Variants in ZFAT observed in about 807,000 individuals in gnomAD.
ZFAT encodes the protein zinc finger protein ZFAT.
A neutral mutation model predicts 117.7 loss-of-function variants in ZFAT; 64 were observed. That is an observed-to-expected ratio of 0.54 (90% CI 0.44 to 0.67). ZFAT has a LOEUF of 0.67. Ranked by LOEUF, ZFAT falls within the 30% of genes least tolerant of loss-of-function variation. The pLI is 0.00. For missense variants in ZFAT, 1,433 were observed against 1,584.5 expected, an observed-to-expected ratio of 0.90 and a Z score of 1.62; for synonymous variants, 679 against 615.0, an observed-to-expected ratio of 1.10 and a Z score of -1.54.
At chr8:134,625,051 C>T (rs1829401869) in intron 3 of ZFAT, among the ~76,000 whole-genome samples, 1 of 152,214 alleles carries the variant, frequency 6.6e-6, no homozygotes, top group African/African-American at 2.4e-5. Flanking sequence ...CAATTCACTC[C>T]ACACTGCTAA....
chr8:134,660,304 T>G (rs747750977), intron 1 of ZFAT, among the ~76,000 whole-genome samples: 1 of 152,236 alleles, frequency 6.6e-6, no homozygotes, highest in East Asian at 1.9e-4. Flanking sequence ...CTACAGCCCA[T>G]GAGCTGAGTT....
At chr8:134,612,153 T>A (rs1828381410) in intron 3 of ZFAT, among the ~76,000 whole-genome samples, 1 of 152,254 alleles carries the variant, frequency 6.6e-6, no homozygotes, top group South Asian at 2.1e-4. Context: ...AAAATTCACT[T>A]CCTCAGAACA....
At chr8:134,608,605 T>C (rs1372290832) in intron 5 of ZFAT, 124 bp downstream of exon 5, 10 of 1,193,972 alleles carry the variant, frequency 8.4e-6, no homozygotes, top group Non-Finnish European at 1.2e-5. Context: ...AAGGAGTCAG[T>C]ATCTCTTATA....
At chr8:134,696,564 A>T (rs1833853616) in intron 1 of ZFAT, 2 of 985,984 alleles carry the variant, frequency 2.0e-6, no homozygotes, top group Non-Finnish European at 1.2e-6. Flanking sequence ...CTCTCCCAGG[A>T]AGCCCTACCA....
intron 15 of ZFAT, among the ~76,000 whole-genome samples, chr8:134,483,547 G>T (rs183019032): frequency 9.9e-5 from 15 of 152,228 alleles, no homozygotes; most frequent in Admixed American, 6.5e-4. Context: ...ATTAGCACAG[G>T]CTTAAAATTG....
chr8:134,502,805 C>G (rs765077811), intron 15 of ZFAT, among the ~76,000 whole-genome samples: 1 of 152,236 alleles, frequency 6.6e-6, no homozygotes, highest in Admixed American at 6.5e-5. Context: ...CTGTGCTGTG[C>G]CCGGCTAAGG....
At chr8:134,587,042 G>C (rs1012456284) in intron 9 of ZFAT, among the ~76,000 whole-genome samples, 1 of 152,210 alleles carries the variant, frequency 6.6e-6, no homozygotes, top group Non-Finnish European at 1.5e-5. Flanking sequence ...GCATAGGACT[G>C]CCATTAGCAT....
chr8:134,757,282 G>A, the ZFAT span, among the ~76,000 whole-genome samples: 1 of 152,076 alleles, frequency 6.6e-6, no homozygotes, highest in East Asian at 1.9e-4. Context: ...CTCTCAGAGT[G>A]CTGGGATTAC....
chr8:134,618,631 T>C (rs1828902993), intron 3 of ZFAT, among the ~76,000 whole-genome samples: 1 of 152,206 alleles, frequency 6.6e-6, no homozygotes. Context: ...GTTTAACAAT[T>C]ATCCCCTACT....
At chr8:134,779,330 G>C in the ZFAT span, among the ~76,000 whole-genome samples, 1 of 152,112 alleles carries the variant, frequency 6.6e-6, no homozygotes, top group Non-Finnish European at 1.5e-5. Context: ...CTATAAAACT[G>C]GTTGGTGGAT....
At chr8:134,774,087 C>T in the ZFAT span, among the ~76,000 whole-genome samples, 1 of 146,096 alleles carries the variant, frequency 6.8e-6, no homozygotes, top group African/African-American at 2.5e-5. Context: ...CCTCTGCTTC[C>T]CGGGTTGAAG....
At chr8:134,717,463 A>AC (rs1814223584), upstream of ZFAT, among the ~76,000 whole-genome samples, 1 of 23,886 alleles carries the variant, frequency 4.2e-5, no homozygotes, top group Admixed American at 6.4e-4. Flanking sequence ...GTCAATAACA[A>AC]CTCTTTTTTT....
At chr8:134,576,100 G>C (rs1434038852) in intron 10 of ZFAT, among the ~76,000 whole-genome samples, 2 of 152,224 alleles carry the variant, frequency 1.3e-5, no homozygotes, top group Non-Finnish European at 2.9e-5. Flanking sequence ...CTAGATGAAA[G>C]TTACAGACAC....
intron 12 of ZFAT, among the ~76,000 whole-genome samples, chr8:134,530,212 T>C (rs1040644307): frequency 1.3e-5 from 2 of 152,274 alleles, no homozygotes; most frequent in African/African-American, 4.8e-5. Context: ...TTTTTTATGA[T>C]GTTATTTTAA....
At chr8:134,817,419 A>G in the ZFAT span, among the ~76,000 whole-genome samples, 1 of 108,306 alleles carries the variant, frequency 9.2e-6, no homozygotes, top group Admixed American at 1.1e-4. Flanking sequence ...ACACACACAC[A>G]CACACACACA....
chr8:134,780,076 A>T, the ZFAT span, among the ~76,000 whole-genome samples: 1 of 152,222 alleles, frequency 6.6e-6, no homozygotes, highest in Non-Finnish European at 1.5e-5. Flanking sequence ...TTAAGTAGTT[A>T]TCTGATGTGG....
chr8:134,598,170 G>C (rs567928220), intron 7 of ZFAT: 5 of 152,302 alleles, frequency 3.3e-5, no homozygotes, highest in African/African-American at 4.8e-5. Flanking sequence ...TTCTGTCTCT[G>C]TCCCTTACCA....
rs1327073998 is a variant in ZFAT at position 134,657,659 on chromosome 8, T to C, written c.98A>G (p.Glu33Gly). The change falls in exon 2 of 16, where the codon GAG (glutamate) becomes GGG (glycine). Residue 33 changes from glutamate (E) to glycine (G), a missense_variant. Glu to Gly is a moderately conservative substitution (Grantham distance 98). This residue lies in a region of ZFAT where 436 missense variants were observed against 482.0 expected (regional missense o/e 0.90). Coordinates refer to ENST00000377838, the MANE Select transcript of ZFAT (RefSeq NM_020863.4). ...NQSELLSHVS[E>G]KHMEEGVNVD... The stretch of plus-strand genomic sequence containing the variant: ...ATTAACCCCTTCTTCCATGTGCTTC[T>C]CTGAAACGTGGGAGAGGAGTTCCGA... 6.2e-7 allele frequency: 1 copy of C among 1,613,980 alleles called. No individual in the cohort carries two copies. The highest frequency in any genetic ancestry group is 1.7e-5 in the Admixed American group (1 of 59,998).
the ZFAT span, among the ~76,000 whole-genome samples, chr8:134,763,053 C>G: frequency 2.3e-3 from 351 of 152,300 alleles, 5 homozygotes; most frequent in Admixed American, 0.016. Flanking sequence ...CCTACAATCT[C>G]ATCAGAGTAA....
Sources: gnomAD v4.1 joint callset for allele counts (sites outside exome capture counted in the v4.1 genomes callset) on GRCh38, gnomAD v4.1.1 for gene constraint, gnomAD v4.1.1 regional missense constraint, MANE v1.5 for transcripts, NCBI Gene and HGNC (gene_info 2026-07-23, HGNC 2026-07-21) for gene names.